GRIA4: variants seen among roughly 807,000 people sequenced by gnomAD.
GRIA4 encodes glutamate receptor 4.
GRIA4 carries 34 observed loss-of-function variants against 104.0 expected under a neutral mutation model. That is an observed-to-expected ratio of 0.33 (90% CI 0.25 to 0.44). The LOEUF (loss-of-function observed/expected upper bound fraction) is 0.44. GRIA4 is among the 20% of genes least tolerant of loss of function. The probability of loss-of-function intolerance (pLI) is 1.00; values close to 1 mark genes in which losing one functional copy is unlikely to be tolerated. For missense variants in GRIA4, 750 were observed against 1,096.5 expected (o/e 0.68, Z 4.46); for synonymous variants, 386 against 381.9 (o/e 1.01, Z -0.13).
intron 14 of GRIA4, among the ~76,000 whole-genome samples, chr11:105,954,913 TA>T (rs11331500): frequency 0.64 from 94,617 of 147,984 alleles, 30,336 homozygotes; most frequent in Middle Eastern, 0.71. Context: ...TTTCAATTTA[TA>T]TATATATATA....
chr11:105,841,230 T>C (rs767422742), intron 4 of GRIA4, among the ~76,000 whole-genome samples: 68 of 150,710 alleles, frequency 4.5e-4, no homozygotes, highest in Non-Finnish European at 5.6e-4. Context: ...GAGTGGGTTC[T>C]TCAAAAAAAA....
chr11:105,957,923 G>T (rs1426531796), intron 14 of GRIA4, among the ~76,000 whole-genome samples: 1 of 152,096 alleles, frequency 6.6e-6, no homozygotes, highest in Non-Finnish European at 1.5e-5. Context: ...GTCTGTTATT[G>T]GTGTATAGGA....
chr11:105,840,938 CT>C (rs1368505467), intron 4 of GRIA4, among the ~76,000 whole-genome samples: 6 of 152,154 alleles, frequency 3.9e-5, no homozygotes, highest in African/African-American at 1.4e-4. Context: ...TCCTCAAGAA[CT>C]TTGCTCTTAC....
Position 105,753,227 on chromosome 11 carries a change from C to A in GRIA4, c.487+7C>A. Reference sequence around the variant, plus strand: ...CTGTATGACACAGACAGGGGTAAGTCCAGTTTCTTCATCTATTAGAGCAAA... The same window carrying A: ...CTGTATGACACAGACAGGGGTAAGTACAGTTTCTTCATCTATTAGAGCAAA... On this transcript the variant is annotated splice_region_variant and intron_variant, in intron 4 of 16. Transcript: ENST00000282499. 6.2e-7 allele frequency: 1 copy of A among 1,612,608 alleles called. No homozygotes were observed. Among genetic ancestry groups the A allele is most frequent in the East Asian group, 2.2e-5 (1 of 44,800 alleles).
At chr11:105,736,927 C>T (rs938338083) in intron 3 of GRIA4, among the ~76,000 whole-genome samples, 3 of 151,996 alleles carry the variant, frequency 2.0e-5, no homozygotes, top group Non-Finnish European at 4.4e-5. Flanking sequence ...GCACTTACTG[C>T]TTTCATCACA....
chr11:105,969,616 GAA>G, intron 14 of GRIA4, among the ~76,000 whole-genome samples: 1 of 152,164 alleles, frequency 6.6e-6, no homozygotes, highest in South Asian at 2.1e-4. Flanking sequence ...AAACTTAAAG[GAA>G]ACTCTCGAAC....
At chr11:105,866,134 T>C (rs539714850) in intron 5 of GRIA4, among the ~76,000 whole-genome samples, 60 of 152,272 alleles carry the variant, frequency 3.9e-4, no homozygotes, top group African/African-American at 1.4e-3. Context: ...AAATCTTTAG[T>C]TGTTTATTTT....
At chr11:105,730,018 A>G (rs1452975185) in intron 3 of GRIA4, among the ~76,000 whole-genome samples, 3 of 152,194 alleles carry the variant, frequency 2.0e-5, no homozygotes, top group Non-Finnish European at 2.9e-5. Context: ...TAGTATTGGA[A>G]GTTCTGGCCA....
At chr11:105,840,897 T>G (rs1050262552) in intron 4 of GRIA4, among the ~76,000 whole-genome samples, 1 of 152,202 alleles carries the variant, frequency 6.6e-6, no homozygotes, top group African/African-American at 2.4e-5. Flanking sequence ...TTCTTTACTT[T>G]TGTAACTTTT....
intron 3 of GRIA4, among the ~76,000 whole-genome samples, chr11:105,688,658 G>C (rs1378715777): frequency 6.6e-6 from 1 of 152,274 alleles, no homozygotes; most frequent in Non-Finnish European, 1.5e-5. Flanking sequence ...ATATGCAACA[G>C]AATTGTGTTA....
At chr11:105,681,170 T>C (rs1952698142) in intron 3 of GRIA4, among the ~76,000 whole-genome samples, 1 of 152,206 alleles carries the variant, frequency 6.6e-6, no homozygotes, top group Admixed American at 6.5e-5. Context: ...TAATAAGTAG[T>C]TGAAAACACT....
At chr11:105,614,966 A>G (rs1484511840) in intron 3 of GRIA4, among the ~76,000 whole-genome samples, 1 of 152,006 alleles carries the variant, frequency 6.6e-6, no homozygotes, top group Non-Finnish European at 1.5e-5. Flanking sequence ...TTAATATTCT[A>G]GATAATTAAC....
intron 4 of GRIA4, among the ~76,000 whole-genome samples, chr11:105,771,072 C>T (rs1222346818): frequency 2.0e-5 from 3 of 151,998 alleles, no homozygotes; most frequent in Non-Finnish European, 4.4e-5. Context: ...AAAATTTCCC[C>T]AACCTATGAA....
intron 6 of GRIA4, among the ~76,000 whole-genome samples, chr11:105,894,744 C>T (rs997302521): frequency 5.3e-5 from 8 of 152,046 alleles, no homozygotes; most frequent in African/African-American, 1.9e-4. Context: ...ACAAGCAACT[C>T]CAAGTCCTCA....
chr11:105,858,114 A>G (rs1330503107), intron 4 of GRIA4, among the ~76,000 whole-genome samples: 1 of 152,146 alleles, frequency 6.6e-6, no homozygotes, highest in Non-Finnish European at 1.5e-5. Context: ...TGTAATTGAC[A>G]GTGTTCTTTA....
At chr11:105,714,534 G>GA (rs2080385275) in intron 3 of GRIA4, among the ~76,000 whole-genome samples, 1 of 151,988 alleles carries the variant, frequency 6.6e-6, no homozygotes, top group Admixed American at 6.6e-5. Context: ...TCATGCTTAA[G>GA]ACTTGAGTAT....
intron 14 of GRIA4, among the ~76,000 whole-genome samples, chr11:105,970,349 A>G (rs1858621579): frequency 6.6e-6 from 1 of 152,144 alleles, no homozygotes; most frequent in Non-Finnish European, 1.5e-5. Context: ...GTTTTAGTTT[A>G]ACCAGAAGGC....
At chr11:105,781,956 A>C (rs2135775609) in intron 4 of GRIA4, among the ~76,000 whole-genome samples, 1 of 152,284 alleles carries the variant, frequency 6.6e-6, no homozygotes, top group African/African-American at 2.4e-5. Flanking sequence ...CCCTTTGTTA[A>C]TTGTAAAATA....
intron 5 of GRIA4, among the ~76,000 whole-genome samples, chr11:105,881,274 C>T (rs534797385): frequency 6.6e-6 from 1 of 152,286 alleles, no homozygotes; most frequent in African/African-American, 2.4e-5. Context: ...GACATTAATG[C>T]TCTGGCACTT....
Sources: gnomAD v4.1 joint callset for allele counts (sites outside exome capture counted in the v4.1 genomes callset) on GRCh38, gnomAD v4.1.1 for gene constraint, MANE v1.5 for transcripts, NCBI Gene and HGNC (gene_info 2026-07-23, HGNC 2026-07-21) for gene names.